Variants in SCG3 observed in about 807,000 individuals in gnomAD.
The protein encoded by SCG3 is secretogranin-3.
In SCG3, 38 loss-of-function variants were observed where a neutral mutation model predicts 56.2. The ratio of observed to expected loss-of-function variants is 0.68; its 90% CI spans 0.52 to 0.89. The LOEUF is 0.89. SCG3 is among the 40% of genes least tolerant of loss of function. The pLI is 0.00. For synonymous variants in SCG3, 176 were observed against 184.2 expected (o/e 0.96, Z 0.36); for missense variants, 524 against 540.7 (o/e 0.97, Z 0.31).
intron 10 of SCG3, among the ~76,000 whole-genome samples, chr15:51,708,545 T>C (rs138564115): frequency 3.3e-5 from 5 of 152,332 alleles, no homozygotes; most frequent in African/African-American, 1.2e-4. Context: ...GTGATTTTAA[T>C]GTGCATCAAA....
At chr15:51,693,248 C>G (rs2055280211) in intron 7 of SCG3, 1 of 152,190 alleles carries the variant, frequency 6.6e-6, no homozygotes, top group African/African-American at 2.4e-5. Flanking sequence ...TTAAAAGGCT[C>G]TACTCACTTT....
intron 7 of SCG3, among the ~76,000 whole-genome samples, chr15:51,695,475 C>A (rs539071784): frequency 6.6e-6 from 1 of 152,100 alleles, no homozygotes; most frequent in Non-Finnish European, 1.5e-5. Flanking sequence ...GTTATCATTG[C>A]CCATGTCCGA....
At chr15:51,693,821 A>T (rs2055284452) in intron 7 of SCG3, 1 of 152,218 alleles carries the variant, frequency 6.6e-6, no homozygotes, top group South Asian at 2.1e-4. Flanking sequence ...GTCCATTCTG[A>T]GCCATCTTGC....
At chr15:51,706,724 T>TG (rs2055378767) in intron 10 of SCG3, among the ~76,000 whole-genome samples, 1 of 152,102 alleles carries the variant, frequency 6.6e-6, no homozygotes, top group African/African-American at 2.4e-5. Context: ...ATTTATATCA[T>TG]GCTTCAGTTT....
chr15:51,707,787 G>A (rs1221732261), intron 10 of SCG3, among the ~76,000 whole-genome samples: 3 of 152,190 alleles, frequency 2.0e-5, no homozygotes, highest in Non-Finnish European at 2.9e-5. Context: ...GCCTGTGTCA[G>A]CACCCATGCG....
chr15:51,693,255 C>A (rs2055280280), intron 7 of SCG3: 1 of 152,232 alleles, frequency 6.6e-6, no homozygotes, highest in South Asian at 2.1e-4. Flanking sequence ...GCTCTACTCA[C>A]TTTCCTTAAT....
At chr15:51,690,071 T>C (rs991281712) in intron 6 of SCG3, among the ~76,000 whole-genome samples, 1 of 152,198 alleles carries the variant, frequency 6.6e-6, no homozygotes, top group Non-Finnish European at 1.5e-5. Context: ...TGTCATCATC[T>C]GTGCCCAATC....
chr15:51,681,691 T>C lies in SCG3; in HGVS notation c.-65T>C, dbSNP rs2055195171. On this transcript the variant is annotated 5_prime_UTR_variant, in exon 1 of 12. Transcript: ENST00000220478. ...TCCTGTTTTTACTCCTCCTTTTCAT[T>C]CATAACAAAAGCTACAGCTCCAGGA... The C allele has an allele frequency of 4.3e-6, 5 of 1,170,142 alleles. No homozygotes were observed. In the Admixed American group the frequency reaches 8.8e-5, roughly 21 times the overall value. 72.5% of individuals were successfully genotyped at this position (1,170,142 alleles called of 1,614,324 possible).
intron 10 of SCG3, among the ~76,000 whole-genome samples, chr15:51,704,764 C>CATATATATAT (rs56192434): frequency 0.037 from 2,445 of 66,746 alleles, 288 homozygotes; most frequent in Non-Finnish European, 0.046. Context: ...GTGAGTAATA[C>CATATATATAT]ATATATATAT....
chr15:51,704,774 T>TATATATAC (rs2055363713), intron 10 of SCG3, among the ~76,000 whole-genome samples: 1 of 112,352 alleles, frequency 8.9e-6, no homozygotes, highest in African/African-American at 4.5e-5. Context: ...CATATATATA[T>TATATATAC]ATATATATAT....
intron 4 of SCG3, among the ~76,000 whole-genome samples, chr15:51,686,499 G>C (rs964015730): frequency 7.2e-5 from 11 of 152,188 alleles, no homozygotes; most frequent in African/African-American, 2.7e-4. Flanking sequence ...GGATAGATAA[G>C]TGGGAAGGGA....
chr15:51,683,865 C>T (rs181779107), intron 4 of SCG3, among the ~76,000 whole-genome samples: 61 of 152,338 alleles, frequency 4.0e-4, no homozygotes, highest in African/African-American at 1.3e-3. Context: ...CTTAGGTCAT[C>T]CTAACCTTTA....
chr15:51,692,330 G>T lies in SCG3; in HGVS notation c.862G>T (p.Asp288Tyr). 6.2e-7 allele frequency: 1 copy of T among 1,613,110 alleles called. No individual in the cohort carries two copies. Among genetic ancestry groups the T allele is most frequent in the East Asian group, 2.2e-5 (1 of 44,868 alleles). Residue 288 changes from aspartate (D) to tyrosine (Y), a missense_variant, in exon 7 of 12, where the codon GAT (aspartate) becomes TAT (tyrosine). Physicochemically the swap from Asp to Tyr is radical, Grantham distance 160. Coordinates refer to ENST00000220478, the MANE Select transcript of SCG3 (RefSeq NM_013243.4). ...TTTCTATGCGCTACTGAAAAGTATT[G>T]ATTCAGGTAACCACTGTGTGGTTGT... ...PNFYALLKSI[D>Y]SEKEAKEKET...
chr15:51,689,171 C>T (rs2055249812), intron 5 of SCG3, 48 bp from the exon 6 acceptor site: 3 of 1,570,070 alleles, frequency 1.9e-6, no homozygotes, highest in Non-Finnish European at 2.6e-6. Context: ...TTTTTAATAA[C>T]AAGACTGGGA....
intron 7 of SCG3, 21 bp from the exon 8 acceptor site, chr15:51,695,854 T>A (rs1468821246): frequency 7.6e-7 from 1 of 1,312,350 alleles, no homozygotes; most frequent in Non-Finnish European, 1.1e-6. Context: ...CAGTTTTAAG[T>A]TATTTTGTTC....
At position 51,681,727 on chromosome 15, in the gene SCG3, G is replaced by C. The variant is rs751557164; in HGVS notation, c.-29G>C. ...GCTACAGCTCCAGGAGCCCAGCGCCGGGCTGTGACCCAAGCCGAGCGTGGA... is the reference window on the plus strand; with the variant it reads ...GCTACAGCTCCAGGAGCCCAGCGCCCGGCTGTGACCCAAGCCGAGCGTGGA... On this transcript the variant is annotated 5_prime_UTR_variant, in exon 1 of 12. Transcript: ENST00000220478. 6.9e-7 allele frequency: 1 copy of C among 1,453,542 alleles called. No individual in the cohort carries two copies. The highest frequency in any genetic ancestry group is 9.3e-7 in the Non-Finnish European group (1 of 1,071,730). 90.0% of individuals were successfully genotyped at this position (1,453,542 alleles called of 1,614,324 possible). A position where few individuals can be genotyped will look rare whatever the true frequency, so the allele number is the denominator to read the frequency against.
intron 7 of SCG3, chr15:51,693,414 C>T (rs1447258132): frequency 6.6e-6 from 1 of 152,146 alleles, no homozygotes; most frequent in Non-Finnish European, 1.5e-5. Context: ...CTCAAACACA[C>T]TTGGGAAATT....
chr15:51,713,915 G>A (rs990355172), intron 11 of SCG3, among the ~76,000 whole-genome samples: 1 of 152,202 alleles, frequency 6.6e-6, no homozygotes, highest in Non-Finnish European at 1.5e-5. Context: ...TAGAGCTATG[G>A]TTGGCCCTGC....
intron 11 of SCG3, among the ~76,000 whole-genome samples, chr15:51,714,150 C>T (rs28508455): frequency 0.18 from 27,511 of 152,082 alleles, 2,886 homozygotes; most frequent in Middle Eastern, 0.26. Context: ...CATTCATGTC[C>T]CCAGGAACAG....
Sources: gnomAD v4.1 joint callset for allele counts (sites outside exome capture counted in the v4.1 genomes callset) on GRCh38, gnomAD v4.1.1 for gene constraint, MANE v1.5 for transcripts, NCBI Gene and HGNC (gene_info 2026-07-23, HGNC 2026-07-21) for gene names.